Variants in FHIT observed in about 807,000 individuals in gnomAD.
The protein encoded by FHIT is bis(5'-adenosyl)-triphosphatase.
FHIT carries 19 observed loss-of-function variants against 17.9 expected under a neutral mutation model. The ratio of observed to expected loss-of-function variants is 1.06; its 90% CI spans 0.74 to 1.56. The LOEUF (loss-of-function observed/expected upper bound fraction) is 1.56, where lower values mean the gene tolerates loss of function less well. Ranked by LOEUF, FHIT falls within the 40% of genes most tolerant of loss-of-function variation. FHIT has a pLI of 0.00. For missense variants in FHIT, 248 were observed against 189.2 expected, an observed-to-expected ratio of 1.31 and a Z score of -1.82; for synonymous variants, 81 against 69.7, an observed-to-expected ratio of 1.16 and a Z score of -0.81.
At chr3:59,818,753 C>T (rs1327674352) in intron 8 of FHIT, among the ~76,000 whole-genome samples, 1 of 152,168 alleles carries the variant, frequency 6.6e-6, no homozygotes, top group East Asian at 1.9e-4. Flanking sequence ...TTACAGGGTG[C>T]GGTCACTTCT....
At chr3:60,110,328 A>G (rs1559640995) in intron 5 of FHIT, among the ~76,000 whole-genome samples, 2 of 152,170 alleles carry the variant, frequency 1.3e-5, no homozygotes, top group African/African-American at 4.8e-5. Context: ...TCATTTCACC[A>G]TCTTGAAAAT....
At chr3:60,710,471 T>C (rs1221916966) in intron 4 of FHIT, among the ~76,000 whole-genome samples, 2 of 152,194 alleles carry the variant, frequency 1.3e-5, no homozygotes, top group East Asian at 1.9e-4. Flanking sequence ...GGGCAAGGCA[T>C]TGCCTCACTC....
chr3:60,969,170 G>A (rs1316162404), intron 3 of FHIT, among the ~76,000 whole-genome samples: 2 of 151,716 alleles, frequency 1.3e-5, no homozygotes, highest in Non-Finnish European at 2.9e-5. Context: ...CTTTTTTGTG[G>A]GAAGATTTCT....
intron 8 of FHIT, among the ~76,000 whole-genome samples, chr3:59,900,735 T>C (rs1704290286): frequency 6.6e-6 from 1 of 152,160 alleles, no homozygotes; most frequent in Non-Finnish European, 1.5e-5. Flanking sequence ...TACGTCAGCC[T>C]CCTGAGTAAC....
intron 5 of FHIT, among the ~76,000 whole-genome samples, chr3:60,324,668 T>A (rs1709600733): frequency 6.6e-6 from 1 of 152,120 alleles, no homozygotes; most frequent in Non-Finnish European, 1.5e-5. Flanking sequence ...TAAGCATGGT[T>A]ATGAACAAAA....
chr3:60,779,405 A>T (rs1700309616), intron 4 of FHIT, among the ~76,000 whole-genome samples: 1 of 152,194 alleles, frequency 6.6e-6, no homozygotes, highest in African/African-American at 2.4e-5. Flanking sequence ...ATGGATCAAT[A>T]TTCTAGCTCT....
intron 4 of FHIT, among the ~76,000 whole-genome samples, chr3:60,648,658 G>A (rs1246669948): frequency 6.6e-6 from 1 of 152,198 alleles, no homozygotes; most frequent in Non-Finnish European, 1.5e-5. Context: ...CAGGAGCAAA[G>A]GCAAAACACT....
At chr3:60,124,822 T>C (rs1428564540) in intron 5 of FHIT, among the ~76,000 whole-genome samples, 1 of 152,172 alleles carries the variant, frequency 6.6e-6, no homozygotes, top group Non-Finnish European at 1.5e-5. Flanking sequence ...CTCTCGACTT[T>C]GCTCCCCCAA....
chr3:60,990,386 A>G (rs2030079271), intron 3 of FHIT, among the ~76,000 whole-genome samples: 1 of 152,242 alleles, frequency 6.6e-6, no homozygotes, highest in Admixed American at 6.5e-5. Context: ...CGCATTGAGC[A>G]GAACAAAGGA....
intron 8 of FHIT, among the ~76,000 whole-genome samples, chr3:59,834,697 G>C (rs1293663685): frequency 6.6e-6 from 1 of 152,082 alleles, no homozygotes; most frequent in African/African-American, 2.4e-5. Flanking sequence ...TATCCTCATG[G>C]CTTAATCACT....
At chr3:60,057,515 T>A (rs1702128219) in intron 5 of FHIT, among the ~76,000 whole-genome samples, 1 of 152,172 alleles carries the variant, frequency 6.6e-6, no homozygotes, top group African/African-American at 2.4e-5. Flanking sequence ...CTTGAAAACA[T>A]AAGCTAAGTG....
At chr3:60,254,760 T>C (rs937649932) in intron 5 of FHIT, among the ~76,000 whole-genome samples, 2 of 152,154 alleles carry the variant, frequency 1.3e-5, no homozygotes, top group African/African-American at 4.8e-5. Flanking sequence ...CAAAGCCTTA[T>C]ATGAGACAGA....
At chr3:61,137,003 A>G (rs959747741) in intron 2 of FHIT, among the ~76,000 whole-genome samples, 4 of 152,198 alleles carry the variant, frequency 2.6e-5, no homozygotes, top group African/African-American at 9.7e-5. Flanking sequence ...TGTTTCTAAA[A>G]CTGCATTTAA....
At chr3:60,096,409 A>T (rs2107119498) in intron 5 of FHIT, among the ~76,000 whole-genome samples, 1 of 152,270 alleles carries the variant, frequency 6.6e-6, no homozygotes, top group Middle Eastern at 3.4e-3. Context: ...AGATTGGTTC[A>T]ACGGCATTAT....
At chr3:60,685,093 A>C (rs2040833581) in intron 4 of FHIT, among the ~76,000 whole-genome samples, 1 of 152,110 alleles carries the variant, frequency 6.6e-6, no homozygotes, top group African/African-American at 2.4e-5. Context: ...CTTCCTAGTT[A>C]CTTCTCTACC....
intron 4 of FHIT, among the ~76,000 whole-genome samples, chr3:60,573,964 C>T (rs1422552995): frequency 2.0e-5 from 3 of 152,060 alleles, no homozygotes; most frequent in Non-Finnish European, 4.4e-5. Context: ...CAAGCACCAC[C>T]ACACCTGGAT....
intron 5 of FHIT, among the ~76,000 whole-genome samples, chr3:60,467,033 T>C (rs982173575): frequency 6.6e-6 from 1 of 151,928 alleles, no homozygotes. Flanking sequence ...GACTTCATTA[T>C]GGCATTGATC....
chr3:60,859,761 T>G (rs1703555870), intron 3 of FHIT, among the ~76,000 whole-genome samples: 1 of 82,300 alleles, frequency 1.2e-5, no homozygotes, highest in Non-Finnish European at 2.3e-5. Flanking sequence ...TTTTTTTTTT[T>G]TGCCGAGCAC....
intron 7 of FHIT, among the ~76,000 whole-genome samples, chr3:59,970,255 T>G (rs1417617765): frequency 6.6e-6 from 1 of 152,122 alleles, no homozygotes; most frequent in Non-Finnish European, 1.5e-5. Flanking sequence ...GGGGAAAATA[T>G]GAGAGCACAA....
Sources: allele counts gnomAD v4.1 joint callset (sites outside exome capture counted in the v4.1 genomes callset), GRCh38; gene constraint gnomAD v4.1.1; transcripts MANE v1.5; gene names NCBI Gene and HGNC (gene_info 2026-07-23, HGNC 2026-07-21).